Variants in ARMH4 observed in about 807,000 individuals in gnomAD.
The protein encoded by ARMH4 is armadillo like helical domain containing 4.
A neutral mutation model predicts 61.9 loss-of-function variants in ARMH4; 49 were observed. That is an observed-to-expected ratio of 0.79 (90% CI 0.63 to 1.00). The LOEUF is 1.00. Among genes scored for constraint, ARMH4 ranks in the 50% least tolerant of loss-of-function variants. ARMH4 has a pLI of 0.00. For synonymous variants in ARMH4, 368 were observed against 341.5 expected, an observed-to-expected ratio of 1.08 and a Z score of -0.85; for missense variants, 934 against 930.0, an observed-to-expected ratio of 1.00 and a Z score of -0.06.
At position 58,137,417 on chromosome 14, in the gene ARMH4, G is replaced by A. The variant is rs544179206; in HGVS notation, c.1369+573C>T. On this transcript the variant is annotated intron_variant, in intron 2 of 7. Coordinates refer to ENST00000267485, the MANE Select transcript of ARMH4 (RefSeq NM_001001872.4). ...ATTTTTTTTTCTTTTTCTTTTTTGA[G>A]AGGGAGTTTCACTCTTGTCACCCAG... Among the ~76,000 whole-genome samples the A allele has an allele frequency of 5.9e-5, 9 of 151,988 alleles. No individual in the cohort carries two copies. In the East Asian group the frequency reaches 1.7e-3, roughly 29 times the overall value.
intron 1 of ARMH4, among the ~76,000 whole-genome samples, chr14:58,140,532 G>C (rs1368694185): frequency 6.6e-6 from 1 of 151,972 alleles, no homozygotes; most frequent in African/African-American, 2.4e-5. Context: ...AGTGAGCTGA[G>C]ATCATGCCAC....
intron 4 of ARMH4, among the ~76,000 whole-genome samples, chr14:58,105,800 T>C: frequency 6.6e-6 from 1 of 152,142 alleles, no homozygotes; most frequent in South Asian, 2.1e-4. Flanking sequence ...GATGTAAAGT[T>C]ATATTTGTTC....
intron 2 of ARMH4, among the ~76,000 whole-genome samples, chr14:58,137,523 C>T (rs1238655240): frequency 3.3e-5 from 5 of 152,024 alleles, no homozygotes; most frequent in East Asian, 3.9e-4. Context: ...CTCAGCCTCC[C>T]GAGTAGCTGG....
At chr14:58,011,517 C>T (rs561895086) in intron 6 of ARMH4, among the ~76,000 whole-genome samples, 1 of 152,190 alleles carries the variant, frequency 6.6e-6, no homozygotes, top group Non-Finnish European at 1.5e-5. Flanking sequence ...CCATCAATAT[C>T]TTTATGAGTA....
chr14:58,122,184 A>G (rs1205529730), intron 4 of ARMH4, among the ~76,000 whole-genome samples: 1 of 152,222 alleles, frequency 6.6e-6, no homozygotes, highest in East Asian at 1.9e-4. Flanking sequence ...CAAGCCTATC[A>G]CACTCTTCTT....
At chr14:58,064,707 T>G (rs755904963) in intron 5 of ARMH4, among the ~76,000 whole-genome samples, 14 of 152,230 alleles carry the variant, frequency 9.2e-5, no homozygotes, top group Non-Finnish European at 1.8e-4. Context: ...TGCCATTGAT[T>G]TTTTGAAAGA....
At chr14:58,041,318 C>T (rs897900455) in intron 5 of ARMH4, among the ~76,000 whole-genome samples, 1 of 152,172 alleles carries the variant, frequency 6.6e-6, no homozygotes, top group Non-Finnish European at 1.5e-5. Context: ...AGATTTTCAA[C>T]CCAGAATTTC....
intron 4 of ARMH4, among the ~76,000 whole-genome samples, chr14:58,112,797 T>C (rs935039253): frequency 2.0e-5 from 3 of 152,186 alleles, no homozygotes; most frequent in African/African-American, 7.2e-5. Flanking sequence ...GAGATTCTCC[T>C]GTCTTCTGGT....
intron 5 of ARMH4, among the ~76,000 whole-genome samples, chr14:58,057,830 C>T (rs1884396085): frequency 6.6e-6 from 1 of 152,170 alleles, no homozygotes; most frequent in African/African-American, 2.4e-5. Context: ...GTCCCTTATT[C>T]ACTACCACCT....
intron 6 of ARMH4, among the ~76,000 whole-genome samples, chr14:58,010,564 G>C (rs994997832): frequency 3.9e-5 from 6 of 152,006 alleles, no homozygotes; most frequent in African/African-American, 1.4e-4. Context: ...ACGGAAGAAA[G>C]TGATGAGAAA....
intron 4 of ARMH4, among the ~76,000 whole-genome samples, chr14:58,125,410 G>C: frequency 6.6e-6 from 1 of 152,204 alleles, no homozygotes; most frequent in Non-Finnish European, 1.5e-5. Context: ...GCACCCATCA[G>C]ATGGCCAAAT....
intron 4 of ARMH4, among the ~76,000 whole-genome samples, chr14:58,116,954 T>G (rs1886551303): frequency 6.6e-6 from 1 of 152,178 alleles, no homozygotes; most frequent in African/African-American, 2.4e-5. Flanking sequence ...AGTTCAATAC[T>G]TGCTCCTTTA....
intron 5 of ARMH4, among the ~76,000 whole-genome samples, chr14:58,014,714 AG>A: frequency 6.6e-6 from 1 of 152,324 alleles, no homozygotes; most frequent in South Asian, 2.1e-4. Context: ...AAAGTGGGTC[AG>A]CAGAAGTTAT....
At chr14:58,054,982 C>T (rs978412097) in intron 5 of ARMH4, among the ~76,000 whole-genome samples, 3 of 152,042 alleles carry the variant, frequency 2.0e-5, no homozygotes, top group African/African-American at 7.2e-5. Context: ...GATTTCCCAC[C>T]TGTCCTGGTT....
intron 2 of ARMH4, 84 bp from the exon 3 acceptor site, chr14:58,133,425 G>C (rs1887195440): frequency 1.5e-6 from 2 of 1,331,676 alleles, no homozygotes; most frequent in African/African-American, 3.0e-5. Context: ...AAAAACTTGG[G>C]GGGAGGGGAG....
rs543209156 is a variant in ARMH4 at position 58,008,295 on chromosome 14, G to A, written c.2122-3113C>T. ...TGACAGCAAATGATAAAGCACATGGGGTAAAATGCAAACAGCAGGCGCATC... is the reference window on the plus strand; with the variant it reads ...TGACAGCAAATGATAAAGCACATGGAGTAAAATGCAAACAGCAGGCGCATC... On this transcript the variant is annotated intron_variant, in intron 6 of 7. Coordinates refer to ENST00000267485, the MANE Select transcript of ARMH4 (RefSeq NM_001001872.4). 3.9e-5 allele frequency among the ~76,000 whole-genome samples: 6 copies of A among 152,190 alleles called. No individual in the cohort carries two copies. In the East Asian group the frequency reaches 9.6e-4, roughly 24 times the overall value.
At chr14:58,131,825 TA>T (rs1338554273) in intron 3 of ARMH4, 104 bp from the exon 4 acceptor site, 1 of 1,072,734 alleles carries the variant, frequency 9.3e-7, no homozygotes, top group African/African-American at 1.6e-5. Context: ...ACCAATATCA[TA>T]CAATACAGCA....
At chr14:58,067,015 A>G (rs571139250) in intron 5 of ARMH4, among the ~76,000 whole-genome samples, 63 of 152,366 alleles carry the variant, frequency 4.1e-4, no homozygotes, top group Non-Finnish European at 5.0e-4. Flanking sequence ...CTAGGGAAAA[A>G]TGAATAGAAA....
intron 5 of ARMH4, among the ~76,000 whole-genome samples, chr14:58,015,490 C>T (rs542861371): frequency 6.6e-6 from 1 of 152,206 alleles, no homozygotes; most frequent in Admixed American, 6.5e-5. Flanking sequence ...CAGGTATCCG[C>T]CAGGGTCCTC....
Sources: gnomAD v4.1 joint callset for allele counts (sites outside exome capture counted in the v4.1 genomes callset) on GRCh38, gnomAD v4.1.1 for gene constraint, MANE v1.5 for transcripts, NCBI Gene and HGNC (gene_info 2026-07-23, HGNC 2026-07-21) for gene names.